The following PCDHGA2 variants were observed in gnomAD, a reference collection of about 807,000 sequenced individuals.
PCDHGA2 encodes the protein protocadherin gamma-A2.
A neutral mutation model predicts 59.2 loss-of-function variants in PCDHGA2; 40 were observed. That is an observed-to-expected ratio of 0.68 (90% confidence interval 0.52 to 0.88). The LOEUF (loss-of-function observed/expected upper bound fraction) is 0.88, where lower values mean the gene tolerates loss of function less well. Among genes scored for constraint, PCDHGA2 ranks in the 40% least tolerant of loss-of-function variants. The pLI, the probability that PCDHGA2 is intolerant of heterozygous loss-of-function variation, is 0.00. For missense variants in PCDHGA2, 1,226 were observed against 1,204.0 expected (o/e 1.02, Z -0.27); for synonymous variants, 560 against 526.0 (o/e 1.06, Z -0.89).
chr5:141,506,380 TG>T (rs2099852860), intron 3 of PCDHGA2, among the ~76,000 whole-genome samples: 1 of 141,314 alleles, frequency 7.1e-6, no homozygotes, highest in Non-Finnish European at 1.5e-5. Flanking sequence ...ACCTGGGAGG[TG>T]GCTGTGGTGA....
rs1185679701 is a variant in PCDHGA2, at chr5:141,511,384, G to A, written c.*211G>A. On this transcript the variant is annotated 3_prime_UTR_variant, in exon 4 of 4. Coordinates refer to ENST00000394576, the MANE Select transcript of PCDHGA2 (RefSeq NM_018915.4). ...TTGAATATGCAAAAGCAGTTCCGCT[G>A]GGAACCCCCATCCAATCAACTGCTG... is the stretch of plus-strand genomic sequence containing the variant. 3.5e-6 allele frequency: 4 copies of A among 1,154,490 alleles called. No homozygotes were observed. Among genetic ancestry groups the A allele is most frequent in the Admixed American group, 2.9e-5 (1 of 34,748 alleles). 71.5% of individuals were successfully genotyped at this position (1,154,490 alleles called of 1,614,324 possible). A position where few individuals can be genotyped will look rare whatever the true frequency, so the allele number is the denominator to read the frequency against.
chr5:141,426,898 C>G (rs1246109323), intron 1 of PCDHGA2: 3 of 456,634 alleles, frequency 6.6e-6, no homozygotes, highest in Admixed American at 4.7e-5. Context: ...CAACAGAGCT[C>G]TCATCTCCTG....
intron 2 of PCDHGA2, among the ~76,000 whole-genome samples, chr5:141,500,182 A>T (rs1050067271): frequency 4.6e-5 from 6 of 131,718 alleles, no homozygotes; most frequent in African/African-American, 1.9e-4. Context: ...CTTCATTTTT[A>T]TTTTTATTTA....
At chr5:141,479,849 C>T (rs1014214860) in intron 1 of PCDHGA2, among the ~76,000 whole-genome samples, 7 of 152,208 alleles carry the variant, frequency 4.6e-5, no homozygotes. Context: ...AAGGTGACTG[C>T]AAGGCCTTTG....
At chr5:141,410,619 C>G in intron 1 of PCDHGA2, 1 of 1,603,732 alleles carries the variant, frequency 6.2e-7, no homozygotes, top group Admixed American at 1.7e-5. Context: ...ACTCTGACTT[C>G]GGTGAGTTTC....
At position 141,444,152 on chromosome 5, in the gene PCDHGA2, A is replaced by ATT. The variant is rs747671382; in HGVS notation, c.2425-50620_2425-50619dup. ...GATATGTGTCACTTGTGTGTACTGG[A>ATT]TTTTTTTTTTTTTTTTTTTTTTTTT... On this transcript the variant is annotated intron_variant, in intron 1 of 3. Coordinates refer to ENST00000394576, the MANE Select transcript of PCDHGA2 (RefSeq NM_018915.4). Among the ~76,000 whole-genome samples, 286 of 33,894 alleles carry ATT rather than the reference A, an allele frequency of 8.4e-3. 107 individuals carry two copies. The highest frequency in any genetic ancestry group is 0.011 in the African/African-American group (76 of 7,180). The allele number at this position is 33,894 out of a possible 152,430, so 22.2% of individuals were successfully genotyped here. A position where few individuals can be genotyped will look rare whatever the true frequency, so the allele number is the denominator to read the frequency against.
chr5:141,501,964 A>G (rs1374872785), intron 2 of PCDHGA2, among the ~76,000 whole-genome samples: 1 of 151,854 alleles, frequency 6.6e-6, no homozygotes, highest in East Asian at 1.9e-4. Flanking sequence ...TCATCCTCCT[A>G]ACCTCTGGCA....
In PCDHGA2 at chr5:141,476,789, T is replaced by A. The variant is rs762462741; in HGVS notation, c.2425-18018T>A. On this transcript the variant is annotated intron_variant, in intron 1 of 3. Coordinates refer to ENST00000394576, the MANE Select transcript of PCDHGA2 (RefSeq NM_018915.4). The surrounding 1 kb of genome is among the most constrained non-coding windows in gnomAD (Gnocchi z 7.6). ...GTTGGACGGAGGGACCCCAGCTCTCTCCGCCAGCCTGCCTATTCACATCAA... is the reference window on the plus strand; with the variant it reads ...GTTGGACGGAGGGACCCCAGCTCTCACCGCCAGCCTGCCTATTCACATCAA... 1.3e-5 allele frequency: 21 copies of A among 1,613,374 alleles called. No individual in the cohort carries two copies. Among genetic ancestry groups the A allele is most frequent in the Non-Finnish European group, 1.7e-5 (20 of 1,180,016 alleles).
intron 1 of PCDHGA2, chr5:141,394,082 G>C: frequency 6.2e-7 from 1 of 1,613,830 alleles, no homozygotes; most frequent in Non-Finnish European, 8.5e-7. Flanking sequence ...TCACAGTGAT[G>C]GCCTCAGATC....
intron 1 of PCDHGA2, chr5:141,374,330 A>T: frequency 6.2e-7 from 1 of 1,613,990 alleles, no homozygotes; most frequent in Non-Finnish European, 8.5e-7. Flanking sequence ...GCGAAACGGC[A>T]GCTTGGTCAC....
chr5:141,426,971 G>A, intron 1 of PCDHGA2: 1 of 456,732 alleles, frequency 2.2e-6, no homozygotes, highest in South Asian at 1.5e-5. Context: ...TTCAAATTGA[G>A]GTCACTGATG....
rs145569377 is a variant in PCDHGA2 at position 141,455,860 on chromosome 5, ATTATTTATTTATTTAT to A, written c.2425-38908_2425-38893del. Among the ~76,000 whole-genome samples, 551 of 139,848 alleles carry A rather than the reference ATTATTTATTTATTTAT, an allele frequency of 3.9e-3. 2 individuals carry two copies. The highest frequency in any genetic ancestry group is 9.7e-3 in the South Asian group (42 of 4,344). The allele number at this position is 139,848 out of a possible 152,430, so 91.7% of individuals were successfully genotyped here. ...CTATCTGCATAAAATAATTTCTTTTATTATTTATTTATTTATTTATTTATTTATTTATTTATTTATT... is the reference window on the plus strand; with the variant it reads ...CTATCTGCATAAAATAATTTCTTTTATTATTTATTTATTTATTTATTTATT... On this transcript the variant is annotated intron_variant, in intron 1 of 3. Transcript: ENST00000394576.
chr5:141,373,270 G>A (rs1444168164), intron 1 of PCDHGA2, among the ~76,000 whole-genome samples: 3 of 152,194 alleles, frequency 2.0e-5, no homozygotes, highest in Non-Finnish European at 4.4e-5. Context: ...AGTATACACA[G>A]ATGTTGCCTA....
At position 141,365,444 on chromosome 5, in the gene PCDHGA2, C is replaced by G. The variant is rs771471249; in HGVS notation, c.2424+24049C>G. 3 of 1,613,872 alleles carry G rather than the reference C, an allele frequency of 1.9e-6. No homozygotes were observed. The highest frequency in any genetic ancestry group is 3.3e-5 in the Admixed American group (2 of 60,006). On this transcript the variant is annotated intron_variant, in intron 1 of 3. Coordinates refer to ENST00000394576, the MANE Select transcript of PCDHGA2 (RefSeq NM_018915.4). ...AACTGTAATCGCGCTGTTTAGCGTACATGATGGTGATTCTGGAGAAAATGG... is the reference window on the plus strand; with the variant it reads ...AACTGTAATCGCGCTGTTTAGCGTAGATGATGGTGATTCTGGAGAAAATGG...
intron 1 of PCDHGA2, among the ~76,000 whole-genome samples, chr5:141,447,805 G>A (rs1389870133): frequency 2.0e-5 from 3 of 152,064 alleles, no homozygotes; most frequent in Admixed American, 2.0e-4. Context: ...AATAAAATTG[G>A]CTGGGCGTGG....
At chr5:141,506,444 CAAA>C (rs1219684339) in intron 3 of PCDHGA2, among the ~76,000 whole-genome samples, 12 of 95,004 alleles carry the variant, frequency 1.3e-4, no homozygotes, top group Admixed American at 3.3e-4. Context: ...CGCTCTGTCT[CAAA>C]AAAAAAAAAA....
Position 141,338,789 on chromosome 5 carries a change from G to A in PCDHGA2, c.-183G>A, listed in dbSNP as rs1327874665. ...CAGCAATACGGCTCCCACAGCACAA[G>A]GGGGTGGAGGTTTGGCCCTAAAGCT... On this transcript the variant is annotated 5_prime_UTR_variant, in exon 1 of 4. Coordinates refer to ENST00000394576, the MANE Select transcript of PCDHGA2 (RefSeq NM_018915.4). 7.4e-7 allele frequency: 1 copy of A among 1,343,610 alleles called. No individual in the cohort carries two copies. Among genetic ancestry groups the A allele is most frequent in the Non-Finnish European group, 9.5e-7 (1 of 1,052,920 alleles). 83.2% of individuals were successfully genotyped at this position (1,343,610 alleles called of 1,614,324 possible). A position where few individuals can be genotyped will look rare whatever the true frequency, so the allele number is the denominator to read the frequency against.
chr5:141,351,474 C>A (rs1459307602), intron 1 of PCDHGA2: 1 of 1,613,696 alleles, frequency 6.2e-7, no homozygotes, highest in East Asian at 2.2e-5. Context: ...ATTGCTGGAG[C>A]CCTAAACCGG....
intron 1 of PCDHGA2, chr5:141,357,059 G>T: frequency 6.2e-7 from 1 of 1,613,980 alleles, no homozygotes; most frequent in Non-Finnish European, 8.5e-7. Context: ...TTTGCAGTGG[G>T]GCTGCACACA....
Sources: gnomAD v4.1 joint callset for allele counts (sites outside exome capture counted in the v4.1 genomes callset) on GRCh38, gnomAD v4.1.1 for gene constraint, Gnocchi (gnomAD v3.1) non-coding constraint, MANE v1.5 for transcripts, NCBI Gene and HGNC (gene_info 2026-07-23, HGNC 2026-07-21) for gene names.